The following TOX2 variants were observed in gnomAD, a reference collection of about 807,000 sequenced individuals.
The protein encoded by TOX2 is granulosa cell HMG box 1.
In TOX2, 15 loss-of-function variants were observed where a neutral mutation model predicts 47.4. That is an observed-to-expected ratio of 0.32 (90% CI 0.21 to 0.49). The LOEUF (loss-of-function observed/expected upper bound fraction) is 0.49, where lower values mean the gene tolerates loss of function less well. Ranked by LOEUF, TOX2 falls within the 20% of genes least tolerant of loss-of-function variation. The pLI, the probability that TOX2 is intolerant of heterozygous loss-of-function variation, is 0.99. For missense variants in TOX2, 622 were observed against 673.1 expected, an observed-to-expected ratio of 0.92 and a Z score of 0.84; for synonymous variants, 290 against 296.6, an observed-to-expected ratio of 0.98 and a Z score of 0.23.
chr20:44,039,944 G>A (rs1187885393), intron 3 of TOX2, among the ~76,000 whole-genome samples: 1 of 152,198 alleles, frequency 6.6e-6, no homozygotes, highest in African/African-American at 2.4e-5. Context: ...CCCCCGAGGT[G>A]GGCCGAGGGC....
intron 1 of TOX2, among the ~76,000 whole-genome samples, chr20:43,919,963 G>A (rs888106279): frequency 2.6e-5 from 4 of 152,218 alleles, no homozygotes; most frequent in Admixed American, 2.0e-4. Flanking sequence ...TTTGTCTGGC[G>A]AGATTGTAAA....
chr20:43,983,134 C>T (rs192130655), intron 2 of TOX2, among the ~76,000 whole-genome samples: 39 of 152,006 alleles, frequency 2.6e-4, no homozygotes, highest in African/African-American at 7.7e-4. Flanking sequence ...GGCCCCTGGC[C>T]CCACTGCCCC....
Position 44,033,893 on chromosome 20 carries a change from G to T in TOX2, c.412-17413G>T, listed in dbSNP as rs932367964. Among the ~76,000 whole-genome samples the T allele has an allele frequency of 2.6e-5, 4 of 152,146 alleles. No individual in the cohort carries two copies. The East Asian group carries it at 7.7e-4, about 29-fold the overall frequency. ...TAGCAACAGGAAACTAATACACAGA[G>T]TCTCTGCTGCCTTCTCAGAGGACTG... On this transcript the variant is annotated intron_variant, in intron 3 of 8. Transcript: ENST00000341197.
chr20:43,931,695 A>T (rs1405937552), intron 1 of TOX2, among the ~76,000 whole-genome samples: 1 of 152,150 alleles, frequency 6.6e-6, no homozygotes, highest in African/African-American at 2.4e-5. Context: ...TGTGGGGGAA[A>T]ATACTGGACG....
chr20:43,940,239 G>C (rs568584735), intron 1 of TOX2, among the ~76,000 whole-genome samples: 19 of 151,654 alleles, frequency 1.3e-4, no homozygotes, highest in Non-Finnish European at 2.2e-4. Flanking sequence ...TTGAAGAGTT[G>C]GTGTCCTACT....
In TOX2 at chr20:44,068,787, A is replaced by G. The variant is rs765941635; in HGVS notation, c.*101A>G. On this transcript the variant is annotated 3_prime_UTR_variant, in exon 9 of 9. Coordinates refer to ENST00000341197, the MANE Select transcript of TOX2 (RefSeq NM_001098797.2). ...GCCCTGGCCAGAGGCAGGGTGGCCC[A>G]TCGGAGAGAGCAGTGACACACCCAT... The G allele has an allele frequency of 4.6e-6, 7 of 1,505,612 alleles. No individual in the cohort carries two copies. The highest frequency in any genetic ancestry group is 5.5e-6 in the Non-Finnish European group (6 of 1,096,568). The allele number at this position is 1,505,612 out of a possible 1,614,324, so 93.3% of individuals were successfully genotyped here. A position where few individuals can be genotyped will look rare whatever the true frequency, so the allele number is the denominator to read the frequency against.
chr20:43,997,051 A>T (rs997859858), intron 2 of TOX2, among the ~76,000 whole-genome samples: 1 of 152,136 alleles, frequency 6.6e-6, no homozygotes, highest in Non-Finnish European at 1.5e-5. Context: ...TTCTCCTTTT[A>T]TGCTATACTC....
intron 7 of TOX2, among the ~76,000 whole-genome samples, chr20:44,066,348 C>T (rs6130513): frequency 7.2e-4 from 110 of 152,320 alleles, no homozygotes; most frequent in South Asian, 4.1e-4. Flanking sequence ...TCCAGTCCCC[C>T]CTTCCTGCAT....
intron 3 of TOX2, among the ~76,000 whole-genome samples, chr20:44,025,920 G>A (rs6073286): frequency 0.63 from 95,526 of 151,546 alleles, 30,737 homozygotes; most frequent in East Asian, 0.78. Flanking sequence ...GGAGCCATTT[G>A]TGGAGCCTTC....
intron 1 of TOX2, chr20:43,946,122 G>C: frequency 1.3e-6 from 2 of 1,561,968 alleles, no homozygotes; most frequent in Admixed American, 3.6e-5. Flanking sequence ...GTCTGGATGG[G>C]GGCAGGCAGG....
chr20:44,050,391 TGAA>T (rs1451851278), intron 3 of TOX2, among the ~76,000 whole-genome samples: 2 of 152,132 alleles, frequency 1.3e-5, no homozygotes, highest in Non-Finnish European at 2.9e-5. Flanking sequence ...GCTTTCCTAA[TGAA>T]GAAAAAATGG....
At chr20:44,048,417 T>TATATATATAA (rs1388097590) in intron 3 of TOX2, among the ~76,000 whole-genome samples, 1 of 139,608 alleles carries the variant, frequency 7.2e-6, no homozygotes, top group Non-Finnish European at 1.5e-5. Context: ...TATATATGTA[T>TATATATATAA]AATTTACCAA....
intron 3 of TOX2, among the ~76,000 whole-genome samples, chr20:44,022,772 C>T (rs1440089355): frequency 6.6e-6 from 1 of 152,214 alleles, no homozygotes; most frequent in Non-Finnish European, 1.5e-5. Flanking sequence ...GAAACCAAAG[C>T]TCCTCCATGG....
At chr20:44,048,417 T>TAA (rs1555845989) in intron 3 of TOX2, among the ~76,000 whole-genome samples, 20 of 139,596 alleles carry the variant, frequency 1.4e-4, no homozygotes, top group African/African-American at 2.9e-4. Context: ...TATATATGTA[T>TAA]AATTTACCAA....
intron 2 of TOX2, among the ~76,000 whole-genome samples, chr20:44,001,840 A>T (rs1452921913): frequency 6.6e-6 from 1 of 152,130 alleles, no homozygotes; most frequent in African/African-American, 2.4e-5. Flanking sequence ...ACATTCCCCC[A>T]TTTCCCGTGC....
chr20:43,990,011 T>C (rs761854677), intron 2 of TOX2, among the ~76,000 whole-genome samples: 3 of 152,132 alleles, frequency 2.0e-5, no homozygotes, highest in Non-Finnish European at 4.4e-5. Flanking sequence ...AACTGAACCA[T>C]TGAGTTGGAA....
intron 3 of TOX2, among the ~76,000 whole-genome samples, chr20:44,037,742 A>G (rs540070632): frequency 2.2e-4 from 33 of 152,144 alleles, no homozygotes; most frequent in Non-Finnish European, 4.1e-4. Context: ...GATCTATTGG[A>G]AAGTGCTACT....
chr20:44,026,241 A>AGATATATATATATATATATATATC (rs1555842288), intron 3 of TOX2, among the ~76,000 whole-genome samples: 2 of 102,592 alleles, frequency 1.9e-5, no homozygotes, highest in African/African-American at 4.4e-5. Flanking sequence ...ATATATATAT[A>AGATATATATATATATATATATATC]TATATATAGA....
At chr20:43,979,952 G>A (rs1403158098) in intron 2 of TOX2, among the ~76,000 whole-genome samples, 1 of 152,210 alleles carries the variant, frequency 6.6e-6, no homozygotes, top group Non-Finnish European at 1.5e-5. Flanking sequence ...TATAACTACT[G>A]TGGAGAACAG....
Sources: allele counts gnomAD v4.1 joint callset (sites outside exome capture counted in the v4.1 genomes callset), GRCh38; gene constraint gnomAD v4.1.1; transcripts MANE v1.5; gene names NCBI Gene and HGNC (gene_info 2026-07-23, HGNC 2026-07-21).